Variants in CALN1 observed in about 807,000 individuals in gnomAD.
CALN1 encodes calneuron 1, also known as calcium-binding protein 8.
A neutral mutation model predicts 30.6 loss-of-function variants in CALN1; 17 were observed. That is an observed-to-expected ratio of 0.56 (90% CI 0.38 to 0.83). CALN1 has a LOEUF of 0.83. CALN1 is among the 40% of genes least tolerant of loss of function. The probability of loss-of-function intolerance (pLI) is 0.00; values close to 1 mark genes in which losing one functional copy is unlikely to be tolerated. For missense variants in CALN1, 291 were observed against 354.9 expected (o/e 0.82, Z 1.45); for synonymous variants, 156 against 131.4 (o/e 1.19, Z -1.28).
chr7:71,887,665 G>A (rs752203978), intron 5 of CALN1, among the ~76,000 whole-genome samples: 3 of 152,042 alleles, frequency 2.0e-5, no homozygotes, highest in Non-Finnish European at 4.4e-5. Flanking sequence ...AGATTAGAGC[G>A]GGGGTCTCTG....
chr7:72,037,168 TG>T (rs1336884963), intron 4 of CALN1, among the ~76,000 whole-genome samples: 5 of 144,918 alleles, frequency 3.5e-5, no homozygotes, highest in African/African-American at 1.0e-4. Context: ...TTTTTTTTTT[TG>T]AGACGCAGTC....
intron 3 of CALN1, among the ~76,000 whole-genome samples, chr7:72,158,423 TA>T (rs1463848476): frequency 6.6e-6 from 1 of 152,068 alleles, no homozygotes; most frequent in African/African-American, 2.4e-5. Flanking sequence ...TCCCCCAAAA[TA>T]TTCCTTCCCC....
intron 2 of CALN1, among the ~76,000 whole-genome samples, chr7:72,316,078 G>A (rs1800422320): frequency 1.3e-5 from 2 of 151,940 alleles, no homozygotes; most frequent in Admixed American, 6.6e-5. Context: ...TTGAACCCAG[G>A]AGGTGGAGTT....
intron 4 of CALN1, among the ~76,000 whole-genome samples, chr7:72,026,815 A>T (rs894536281): frequency 2.0e-5 from 3 of 152,204 alleles, no homozygotes; most frequent in Non-Finnish European, 2.9e-5. Flanking sequence ...TATTTGTAAA[A>T]GTGAAAAGTA....
intron 5 of CALN1, among the ~76,000 whole-genome samples, chr7:71,966,013 G>T (rs146464581): frequency 6.6e-6 from 1 of 150,566 alleles, no homozygotes; most frequent in East Asian, 2.0e-4. Context: ...GTATAATCTT[G>T]CATTCAATCT....
chr7:72,448,814 C>T (rs1012368642), upstream of CALN1, among the ~76,000 whole-genome samples: 28 of 152,088 alleles, frequency 1.8e-4, no homozygotes, highest in Admixed American at 1.3e-4. Context: ...ACCATGTTGG[C>T]CAGGCTGGTC....
intron 1 of CALN1, among the ~76,000 whole-genome samples, chr7:72,430,646 C>T (rs1434684054): frequency 6.6e-6 from 1 of 152,168 alleles, no homozygotes. Context: ...AGGGCGCATG[C>T]ACTGACCAAT....
At chr7:72,165,921 G>A (rs1469280682) in intron 3 of CALN1, among the ~76,000 whole-genome samples, 3 of 152,166 alleles carry the variant, frequency 2.0e-5, no homozygotes, top group African/African-American at 7.2e-5. Flanking sequence ...TGCACCAGTA[G>A]GCATGTTAGG....
At chr7:72,142,484 T>A (rs1810021975) in intron 3 of CALN1, among the ~76,000 whole-genome samples, 1 of 152,176 alleles carries the variant, frequency 6.6e-6, no homozygotes, top group Non-Finnish European at 1.5e-5. Context: ...AAGCTCGAAC[T>A]GGGTGGATCC....
the CALN1 span, among the ~76,000 whole-genome samples, chr7:72,487,889 G>GAAAGAAAGAAAGAAAGAAAGA: frequency 1.9e-5 from 1 of 51,940 alleles, no homozygotes; most frequent in African/African-American, 9.2e-5. Flanking sequence ...AGAAAGAAAA[G>GAAAGAAAGAAAGAAAGAAAGA]AAAAGAAAGA....
At chr7:71,830,093 G>T (rs1789176090) in intron 5 of CALN1, among the ~76,000 whole-genome samples, 1 of 151,106 alleles carries the variant, frequency 6.6e-6, no homozygotes, top group Admixed American at 6.6e-5. Context: ...GCCCAGGCTG[G>T]GGTGCAATGG....
At chr7:71,894,632 A>G (rs946238341) in intron 5 of CALN1, among the ~76,000 whole-genome samples, 2 of 152,320 alleles carry the variant, frequency 1.3e-5, no homozygotes, top group East Asian at 3.9e-4. Context: ...AGATTAGAAT[A>G]TATCTGCCAT....
chr7:71,891,674 T>G (rs539028294), intron 5 of CALN1, among the ~76,000 whole-genome samples: 3 of 152,354 alleles, frequency 2.0e-5, no homozygotes, highest in African/African-American at 7.2e-5. Flanking sequence ...CCGGGCATGA[T>G]GGCTCACGCC....
intron 2 of CALN1, among the ~76,000 whole-genome samples, chr7:72,379,663 G>A (rs1281866372): frequency 6.6e-6 from 1 of 152,246 alleles, no homozygotes; most frequent in Non-Finnish European, 1.5e-5. Context: ...AACAGAGACA[G>A]GACACTCAAT....
intron 2 of CALN1, among the ~76,000 whole-genome samples, chr7:72,372,761 C>T (rs890982834): frequency 3.3e-5 from 5 of 152,132 alleles, no homozygotes; most frequent in Non-Finnish European, 7.3e-5. Context: ...CCAGACTGAT[C>T]GCCTACTAAA....
Position 72,239,826 on chromosome 7 carries a change from A to T in CALN1, c.244+38860T>A, listed in dbSNP as rs556468210. ...ACTTAGTACACAATGCACAGCTTCG[A>T]CTGTGCATTCCCTTACTAAAACCAA... On this transcript the variant is annotated intron_variant, in intron 3 of 6. Transcript: ENST00000395275. 2.6e-5 allele frequency among the ~76,000 whole-genome samples: 4 copies of T among 152,304 alleles called. No individual in the cohort carries two copies. In the South Asian group the frequency reaches 8.3e-4, roughly 32 times the overall value.
At chr7:72,135,093 G>A (rs748718467) in intron 3 of CALN1, among the ~76,000 whole-genome samples, 19 of 152,280 alleles carry the variant, frequency 1.2e-4, no homozygotes, top group African/African-American at 4.1e-4. Context: ...TTTAGGATCC[G>A]CTTTTAACTC....
intron 2 of CALN1, among the ~76,000 whole-genome samples, chr7:72,298,785 C>G (rs959631820): frequency 3.6e-5 from 5 of 139,354 alleles, no homozygotes; most frequent in African/African-American, 1.3e-4. Flanking sequence ...GACTGAGTCT[C>G]AAGAGATCTG....
At chr7:72,359,145 A>T (rs1803410232) in intron 2 of CALN1, among the ~76,000 whole-genome samples, 1 of 151,738 alleles carries the variant, frequency 6.6e-6, no homozygotes, top group Admixed American at 6.6e-5. Context: ...CCTGCACTAG[A>T]TCTCATACCC....
Sources: gnomAD v4.1 joint callset for allele counts (sites outside exome capture counted in the v4.1 genomes callset) on GRCh38, gnomAD v4.1.1 for gene constraint, MANE v1.5 for transcripts, NCBI Gene and HGNC (gene_info 2026-07-23, HGNC 2026-07-21) for gene names.